Variants in IGSF11 observed in about 807,000 individuals in gnomAD.
The protein encoded by IGSF11 is CXADR like 1.
IGSF11 carries 22 observed loss-of-function variants against 41.0 expected under a neutral mutation model. The ratio of observed to expected loss-of-function variants is 0.54; its 90% CI spans 0.38 to 0.77. The LOEUF (loss-of-function observed/expected upper bound fraction) is 0.77. IGSF11 is among the 30% of genes least tolerant of loss of function. The pLI is 0.00. For synonymous variants in IGSF11, 219 were observed against 201.3 expected, an observed-to-expected ratio of 1.09 and a Z score of -0.74; for missense variants, 444 against 530.8, an observed-to-expected ratio of 0.84 and a Z score of 1.61.
chr3:118,935,308 AT>A (rs1193924642), intron 1 of IGSF11, among the ~76,000 whole-genome samples: 1 of 142,234 alleles, frequency 7.0e-6, no homozygotes, highest in Non-Finnish European at 1.5e-5. Flanking sequence ...ATACATATAT[AT>A]ATATATATAT....
intron 1 of IGSF11, among the ~76,000 whole-genome samples, chr3:119,098,695 G>A (rs995684663): frequency 3.3e-5 from 5 of 152,144 alleles, no homozygotes; most frequent in African/African-American, 1.2e-4. Context: ...AATAAAATAT[G>A]TTTTTTAAAT....
rs1054877795 is a variant in IGSF11 at position 118,910,492 on chromosome 3, G to T, written c.581-4774C>A. Among the ~76,000 whole-genome samples, 5 of 152,236 alleles carry T rather than the reference G, an allele frequency of 3.3e-5. 1 individual carries two copies. The highest frequency in any genetic ancestry group is 1.9e-4 in the East Asian group (1 of 5,172). ...CACTAGGGACTTAGTTCAGGTCCTT[G>T]TCATTTCTTGATGGGGCTATTAACA... On this transcript the variant is annotated intron_variant, in intron 4 of 6. Transcript: ENST00000393775.
At chr3:119,102,536 A>G (rs1247927357) in intron 1 of IGSF11, among the ~76,000 whole-genome samples, 1 of 152,228 alleles carries the variant, frequency 6.6e-6, no homozygotes, top group Non-Finnish European at 1.5e-5. Flanking sequence ...TTCCTAGGCT[A>G]CAGAATACCA....
intron 1 of IGSF11, among the ~76,000 whole-genome samples, chr3:119,119,190 A>AT (rs1388413106): frequency 6.6e-6 from 1 of 152,110 alleles, no homozygotes; most frequent in African/African-American, 2.4e-5. Context: ...GTATTAGTCC[A>AT]TTTTCATGCT....
At chr3:119,070,538 C>T (rs967431743) in intron 1 of IGSF11, among the ~76,000 whole-genome samples, 6 of 152,184 alleles carry the variant, frequency 3.9e-5, no homozygotes, top group Admixed American at 3.3e-4. Context: ...ATCTGGACAG[C>T]TAAGGATCAC....
chr3:119,076,997 T>C (rs1204516016), intron 1 of IGSF11, among the ~76,000 whole-genome samples: 3 of 152,140 alleles, frequency 2.0e-5, no homozygotes, highest in Admixed American at 1.3e-4. Flanking sequence ...CTATTCACAA[T>C]AGCAAAGACT....
At chr3:119,034,361 G>A (rs913831702) in intron 1 of IGSF11, among the ~76,000 whole-genome samples, 170 bp downstream of exon 1, 3 of 152,186 alleles carry the variant, frequency 2.0e-5, no homozygotes, top group Non-Finnish European at 4.4e-5. Flanking sequence ...AGAAGCAGCC[G>A]CTGCAGGTGC....
At chr3:119,020,719 G>C (rs539826615) in intron 1 of IGSF11, among the ~76,000 whole-genome samples, 2 of 152,112 alleles carry the variant, frequency 1.3e-5, no homozygotes, top group African/African-American at 2.4e-5. Context: ...CACTGGCTGG[G>C]ATAAATACCA....
intron 1 of IGSF11, among the ~76,000 whole-genome samples, chr3:119,124,363 T>G (rs891201702): frequency 7.0e-6 from 1 of 143,658 alleles, no homozygotes; most frequent in Non-Finnish European, 1.5e-5. Context: ...ACCTCCCGGG[T>G]TCAAGCGATT....
intron 3 of IGSF11, 44 bp from the exon 4 acceptor site, chr3:118,926,300 A>C (rs368688294): frequency 6.8e-7 from 1 of 1,469,036 alleles, no homozygotes; most frequent in Admixed American, 1.9e-5. Flanking sequence ...TTTTACTGTG[A>C]GCCATGTGAT....
intron 1 of IGSF11, among the ~76,000 whole-genome samples, chr3:119,026,672 C>T (rs369042765): frequency 6.6e-5 from 10 of 152,124 alleles, no homozygotes; most frequent in East Asian, 3.8e-4. Context: ...TTCATTAAAT[C>T]TTGACCTTTT....
chr3:118,932,526 C>G (rs925692326), intron 1 of IGSF11, among the ~76,000 whole-genome samples: 2 of 152,060 alleles, frequency 1.3e-5, no homozygotes, highest in Non-Finnish European at 2.9e-5. Flanking sequence ...TTGATGACAT[C>G]AGGAAAAGTT....
intron 1 of IGSF11, among the ~76,000 whole-genome samples, chr3:118,998,164 T>G (rs908549472): frequency 1.3e-5 from 2 of 152,202 alleles, no homozygotes; most frequent in African/African-American, 4.8e-5. Context: ...CAACAGTAAG[T>G]GTCAGATGAG....
chr3:118,933,064 G>GGGGCAGCAGAAGTTGTGAAA (rs1406409735), intron 1 of IGSF11, among the ~76,000 whole-genome samples: 2 of 152,224 alleles, frequency 1.3e-5, no homozygotes, highest in Non-Finnish European at 2.9e-5. Flanking sequence ...GCAAGCCTCT[G>GGGGCAGCAGAAGTTGTGAAA]GGGCAGCAGA....
At chr3:119,023,410 G>C (rs1165073190) in intron 1 of IGSF11, among the ~76,000 whole-genome samples, 1 of 151,920 alleles carries the variant, frequency 6.6e-6, no homozygotes, top group African/African-American at 2.4e-5. Context: ...ATGGACTATG[G>C]GATCATGCAC....
chr3:118,931,880 C>G (rs1407232284), intron 1 of IGSF11, among the ~76,000 whole-genome samples: 1 of 152,002 alleles, frequency 6.6e-6, no homozygotes, highest in Non-Finnish European at 1.5e-5. Context: ...CTACAGGCGC[C>G]CGCCACCATG....
chr3:118,910,221 T>C (rs775398634), intron 4 of IGSF11, among the ~76,000 whole-genome samples: 25 of 152,206 alleles, frequency 1.6e-4, no homozygotes, highest in Non-Finnish European at 2.9e-4. Context: ...GTTACCATTA[T>C]CATTATTTCA....
intron 1 of IGSF11, among the ~76,000 whole-genome samples, chr3:119,034,278 G>A (rs528813042): frequency 6.6e-6 from 1 of 152,328 alleles, no homozygotes; most frequent in South Asian, 2.1e-4. Flanking sequence ...GTCAGGGCCC[G>A]GCCTGGGACC....
At chr3:118,990,685 CA>C (rs1935707210) in intron 1 of IGSF11, among the ~76,000 whole-genome samples, 1 of 152,094 alleles carries the variant, frequency 6.6e-6, no homozygotes, top group African/African-American at 2.4e-5. Flanking sequence ...ATGGAAAATC[CA>C]AAGGGAAACA....
Sources: gnomAD v4.1 joint callset for allele counts (sites outside exome capture counted in the v4.1 genomes callset) on GRCh38, gnomAD v4.1.1 for gene constraint, MANE v1.5 for transcripts, NCBI Gene and HGNC (gene_info 2026-07-23, HGNC 2026-07-21) for gene names.